The following DDX56 variants were observed in gnomAD, a reference collection of about 807,000 sequenced individuals.
DDX56 encodes the protein probable ATP-dependent RNA helicase DDX56.
Under a neutral mutation model 61.5 loss-of-function variants are expected in DDX56, and 45 were observed. The observed-to-expected ratio is 0.73, with a 90% CI of 0.58 to 0.94. The LOEUF is 0.94. DDX56 is among the 40% of genes least tolerant of loss of function. The pLI is 0.00. For synonymous variants in DDX56, 273 were observed against 268.3 expected, an observed-to-expected ratio of 1.02 and a Z score of -0.17; for missense variants, 708 against 690.7, an observed-to-expected ratio of 1.02 and a Z score of -0.28.
At chr7:44,570,238 C>A in intron 7 of DDX56, 110 bp from the exon 8 acceptor site, 2 of 1,380,760 alleles carry the variant, frequency 1.4e-6, no homozygotes, top group African/African-American at 1.4e-5. Context: ...AAGACCCTGA[C>A]ATACAGAGGA....
Position 44,572,348 on chromosome 7 carries a change from G to A in DDX56, c.644C>T (p.Pro215Leu). The change falls in exon 5 of 14, where the codon CCG becomes CTG. Residue 215 changes from proline to leucine, a missense_variant and splice_region_variant. Coordinates refer to ENST00000258772, the MANE Select transcript of DDX56 (RefSeq NM_019082.4). ...QALKELILHNPVTLKLQESQL... is the reference protein window; with the variant it reads ...QALKELILHNLVTLKLQESQL... The stretch of plus-strand genomic sequence containing the variant: ...AGACACTTCCATGGTGCCTCTTACC[G>A]GGTTATGTAATATCAGCTCCTTGAG... 6.2e-7 allele frequency: 1 copy of A among 1,613,266 alleles called. No individual in the cohort carries two copies. Among genetic ancestry groups the A allele is most frequent in the South Asian group, 1.1e-5 (1 of 90,976 alleles).
chr7:44,568,826 A>T, intron 11 of DDX56, 77 bp downstream of exon 11: 1 of 1,250,080 alleles, frequency 8.0e-7, no homozygotes, highest in Non-Finnish European at 1.2e-6. Flanking sequence ...TCTGCTTCTC[A>T]CCACTCGGAG....
chr7:44,567,879 G>A (rs949495337), intron 12 of DDX56: 2 of 564,402 alleles, frequency 3.5e-6, no homozygotes, highest in East Asian at 3.1e-5. Context: ...CACCCACCCT[G>A]CACTACCTCA....
chr7:44,566,076 CT>C lies in DDX56; in HGVS notation c.1569del (p.Ala524GlnfsTer33). 6.2e-7 allele frequency: 1 copy of C among 1,609,458 alleles called. No individual in the cohort carries two copies. The highest frequency in any genetic ancestry group is 8.5e-7 in the Non-Finnish European group (1 of 1,178,452). On this transcript the variant is annotated frameshift_variant and splice_region_variant, in exon 14 of 14. Coordinates refer to ENST00000258772, the MANE Select transcript of DDX56 (RefSeq NM_019082.4). LOFTEE classifies it high-confidence loss of function. ...KLSSSCRKAK[R>X]AKSQNPLRSF... ...CTGCGCAGTGGGTTCTGGGACTTTGCTCTCTAAGGAGGCAAAGTCACAGGTT... is the reference window on the plus strand; with the variant it reads ...CTGCGCAGTGGGTTCTGGGACTTTGCCTCTAAGGAGGCAAAGTCACAGGTT...
chr7:44,570,226 A>T, intron 7 of DDX56, 98 bp from the exon 8 acceptor site: 1 of 1,452,544 alleles, frequency 6.9e-7, no homozygotes, highest in Non-Finnish European at 9.4e-7. Context: ...CCTGTAGATC[A>T]TAAGACCCTG....
At chr7:44,571,872 C>T in intron 5 of DDX56, 136 bp from the exon 6 acceptor site, 1 of 1,191,450 alleles carries the variant, frequency 8.4e-7, no homozygotes, top group Non-Finnish European at 1.2e-6. Flanking sequence ...CCTAACTCTC[C>T]TCCAGTTTTG....
At chr7:44,566,580 C>CGAGAT in intron 12 of DDX56, 56 bp from the exon 13 acceptor site, 1 of 1,382,092 alleles carries the variant, frequency 7.2e-7, no homozygotes, top group Non-Finnish European at 9.8e-7. Context: ...CCATCCCTGC[C>CGAGAT]CTCCCGCTGA....
intron 11 of DDX56, 50 bp from the exon 12 acceptor site, chr7:44,568,273 C>A: frequency 6.9e-6 from 9 of 1,297,848 alleles, no homozygotes; most frequent in Non-Finnish European, 8.7e-6. Context: ...TCTTCTGTGA[C>A]TTCACAGACC....
chr7:44,573,011 G>C lies in DDX56; in HGVS notation c.262C>G (p.Leu88Val). 2 of 1,607,848 alleles carry C rather than the reference G, an allele frequency of 1.2e-6. No individual in the cohort carries two copies. Among genetic ancestry groups the C allele is most frequent in the South Asian group, 1.1e-5 (1 of 90,246 alleles). ...VVEQAVRGLV[L>V]VPTKELARQA... ...CGTGCCAGCTCCTTGGTAGGAACAA[G>C]AACAAGGCCTCTCACTGCCTGTTCT... The change falls in exon 3 of 14, where the codon CTT becomes GTT. Residue 88 changes from leucine to valine, a missense_variant. Transcript: ENST00000258772.
intron 13 of DDX56, 125 bp from the exon 14 acceptor site, chr7:44,566,204 G>T: frequency 1.6e-6 from 1 of 640,112 alleles, no homozygotes. Context: ...CGACCAGAAG[G>T]TGCTGCAGAT....
chr7:44,570,784 A>G lies in DDX56; in HGVS notation c.984T>C (p.Arg328=), dbSNP rs2117124517. 6.2e-7 allele frequency: 1 copy of G among 1,613,484 alleles called. No homozygotes were observed. Among genetic ancestry groups the G allele is most frequent in the African/African-American group, 1.3e-5 (1 of 75,044 alleles). The change falls in exon 7 of 14, where the codon CGT becomes CGC. Residue 328 remains arginine, a synonymous_variant. Transcript: ENST00000258772. ...EVLGAPVKGK[R]RGRGPKGDKA... Reference sequence around the variant, plus strand: ...TGTCCCCTTTGGGCCCTCGGCCCCGACGCTTGCCCTTGACTGGGGCCCCCA... The same window carrying G: ...TGTCCCCTTTGGGCCCTCGGCCCCGGCGCTTGCCCTTGACTGGGGCCCCCA...
intron 7 of DDX56, among the ~76,000 whole-genome samples, chr7:44,570,439 T>C (rs898145310): frequency 2.6e-5 from 4 of 151,930 alleles, no homozygotes; most frequent in African/African-American, 9.7e-5. Flanking sequence ...AGTTGGGGGG[T>C]TCCTTTTCCC....
At chr7:44,569,270 C>T in intron 9 of DDX56, 67 bp from the exon 10 acceptor site, 2 of 1,435,664 alleles carry the variant, frequency 1.4e-6, no homozygotes, top group South Asian at 2.4e-5. Flanking sequence ...CATTGGAGGC[C>T]TCCTGCACCT....
At chr7:44,569,047 A>C (rs1802608288) in intron 10 of DDX56, 55 bp from the exon 11 acceptor site, 5 of 1,611,152 alleles carry the variant, frequency 3.1e-6, no homozygotes, top group South Asian at 1.1e-5. Context: ...TCCTCCCTTC[A>C]CACCTGGATG....
At position 44,566,130 on chromosome 7, in the gene DDX56, T is replaced by TCCACCCAC. The variant is rs757942229; in HGVS notation, c.1567-59_1567-52dup. On this transcript the variant is annotated intron_variant, in intron 13 of 13. Transcript: ENST00000258772. ...TTGGGGGAATCAGGCCGACAGACAA[T>TCCACCCAC]CCACCCACCCACCCACCCAACTGAG... 10 of 1,228,000 alleles carry TCCACCCAC rather than the reference T, an allele frequency of 8.1e-6. 1 individual carries two copies. The highest frequency in any genetic ancestry group is 6.1e-5 in the African/African-American group (4 of 65,458). The allele number at this position is 1,228,000 out of a possible 1,614,324, so 76.1% of individuals were successfully genotyped here.
chr7:44,568,880 C>G (rs1446173882), intron 11 of DDX56, 23 bp downstream of exon 11: 2 of 1,592,090 alleles, frequency 1.3e-6, no homozygotes, highest in South Asian at 1.1e-5. Context: ...GATCTATCCC[C>G]TTCTCACCTC....
chr7:44,573,001 G>C lies in DDX56; in HGVS notation c.272C>G (p.Thr91Ser), dbSNP rs199523211. The part of the protein sequence containing the change: ...QAVRGLVLVP[T>S]KELARQAQSM... ...CTGTGCTTGCCGTGCCAGCTCCTTG[G>C]TAGGAACAAGAACAAGGCCTCTCAC... Residue 91 changes from threonine to serine, a missense_variant, in exon 3 of 14, where the codon ACC becomes AGC. Physicochemically the swap from Thr to Ser is moderately conservative, Grantham distance 58. Coordinates refer to ENST00000258772, the MANE Select transcript of DDX56 (RefSeq NM_019082.4). 6.2e-7 allele frequency: 1 copy of C among 1,612,344 alleles called. No homozygotes were observed.
Position 44,573,035 on chromosome 7 carries a change from C to G in DDX56, c.238G>C (p.Glu80Gln), listed in dbSNP as rs755372485. Residue 80 changes from glutamate (E) to glutamine (Q), a missense_variant, in exon 3 of 14, where the codon GAA becomes CAA. Physicochemically the swap from Glu to Gln is conservative, Grantham distance 29. Coordinates refer to ENST00000258772, the MANE Select transcript of DDX56 (RefSeq NM_019082.4). ...AGAACAAGGCCTCTCACTGCCTGTT[C>G]TACCACCGGACCTGTCTGTAAGAAT... ...LHRKATGPVVEQAVRGLVLVP... is the reference protein window; with the variant it reads ...LHRKATGPVVQQAVRGLVLVP... The G allele has an allele frequency of 1.9e-6, 3 of 1,592,822 alleles. No homozygotes were observed. The highest frequency in any genetic ancestry group is 2.6e-6 in the Non-Finnish European group (3 of 1,170,470).
intron 2 of DDX56, 22 bp from the exon 3 acceptor site, chr7:44,573,072 A>T (rs1418661449): frequency 6.5e-7 from 1 of 1,542,572 alleles, no homozygotes; most frequent in East Asian, 2.3e-5. Context: ...TGAATTAAAG[A>T]CTTTAGCCAG....
Sources: gnomAD v4.1 joint callset for allele counts (sites outside exome capture counted in the v4.1 genomes callset) on GRCh38, gnomAD v4.1.1 for gene constraint, MANE v1.5 for transcripts, NCBI Gene and HGNC (gene_info 2026-07-23, HGNC 2026-07-21) for gene names.